The following MIDEAS variants were observed in gnomAD, a reference collection of about 807,000 sequenced individuals.
MIDEAS encodes mitotic deacetylase-associated SANT domain protein.
MIDEAS carries 26 observed loss-of-function variants against 102.7 expected under a neutral mutation model. The observed-to-expected ratio is 0.25, with a 90% CI of 0.19 to 0.35. The LOEUF is 0.35. Among genes scored for constraint, MIDEAS ranks in the 10% least tolerant of loss-of-function variants. The pLI is 1.00. For synonymous variants in MIDEAS, 585 were observed against 591.0 expected, an observed-to-expected ratio of 0.99 and a Z score of 0.15; for missense variants, 1,231 against 1,435.6, an observed-to-expected ratio of 0.86 and a Z score of 2.30.
At chr14:73,722,487 CTGTGTATCAACACAA>C in intron 10 of MIDEAS, 196 bp downstream of exon 10, 1 of 423,086 alleles carries the variant, frequency 2.4e-6, no homozygotes, top group Non-Finnish European at 4.2e-6. Context: ...GAAAATTACC[CTGTGTATCAACACAA>C]TGTATTATTA....
intron 1 of MIDEAS, among the ~76,000 whole-genome samples, chr14:73,781,499 C>T (rs1308033756): frequency 6.6e-6 from 1 of 150,502 alleles, no homozygotes; most frequent in Non-Finnish European, 1.5e-5. Context: ...CTTTGGGAGG[C>T]GGAGGAGGGC....
At chr14:73,719,068 G>C (rs1011334022) in intron 12 of MIDEAS, 60 bp from the exon 13 acceptor site, 6 of 1,446,696 alleles carry the variant, frequency 4.1e-6, no homozygotes, top group Non-Finnish European at 4.5e-6. Flanking sequence ...CCCCAGCGCG[G>C]GTGCGCGAGG....
intron 1 of MIDEAS, among the ~76,000 whole-genome samples, chr14:73,741,390 G>A (rs948334069): frequency 6.6e-6 from 1 of 151,966 alleles, no homozygotes; most frequent in South Asian, 2.1e-4. Context: ...GTTGGTGGGG[G>A]TGGGAGCTAC....
chr14:73,746,434 G>A (rs960666957), intron 1 of MIDEAS, among the ~76,000 whole-genome samples: 1 of 152,198 alleles, frequency 6.6e-6, no homozygotes, highest in Admixed American at 6.5e-5. Flanking sequence ...AGGACCCAGG[G>A]ATCCCAGCAG....
chr14:73,787,921 A>T (rs1305898238), upstream of MIDEAS, among the ~76,000 whole-genome samples: 1 of 152,190 alleles, frequency 6.6e-6, no homozygotes, highest in Non-Finnish European at 1.5e-5. Flanking sequence ...TCTGTGTTTC[A>T]TCACCGGTCA....
chr14:73,753,536 G>A (rs960741705), intron 1 of MIDEAS, among the ~76,000 whole-genome samples: 60 of 152,316 alleles, frequency 3.9e-4, no homozygotes, highest in African/African-American at 1.4e-3. Flanking sequence ...TAGATGAAGC[G>A]CCGCCTGGCA....
intron 1 of MIDEAS, among the ~76,000 whole-genome samples, chr14:73,746,497 A>G (rs2053353069): frequency 6.6e-6 from 1 of 152,164 alleles, no homozygotes; most frequent in Admixed American, 6.5e-5. Flanking sequence ...GACTCAGCAG[A>G]TGTTCCTGAG....
chr14:73,772,932 C>G (rs35726450), intron 1 of MIDEAS, among the ~76,000 whole-genome samples: 2 of 151,690 alleles, frequency 1.3e-5, no homozygotes, highest in African/African-American at 2.4e-5. Flanking sequence ...CTCCACCCCC[C>G]AGTTCAAGTG....
chr14:73,716,810 T>C lies in MIDEAS; in HGVS notation c.*2033A>G, dbSNP rs1339252595. On this transcript the variant is annotated 3_prime_UTR_variant, in exon 13 of 13. Transcript: ENST00000423556. ...GCCCATAAAGGGGCCTGAAACCAAA[T>C]ATGATTTGAATAGAAAAGACCTTGG... 1 of 151,140 alleles carries C rather than the reference T, an allele frequency of 6.6e-6. No homozygotes were observed. The highest frequency in any genetic ancestry group is 1.5e-5 in the Non-Finnish European group (1 of 67,906). 9.4% of individuals were successfully genotyped at this position (151,140 alleles called of 1,614,324 possible).
chr14:73,748,792 A>G (rs2053385704), intron 1 of MIDEAS, among the ~76,000 whole-genome samples: 1 of 151,968 alleles, frequency 6.6e-6, no homozygotes, highest in South Asian at 2.1e-4. Flanking sequence ...AAAAAATCAG[A>G]CAAAATAGAC....
At chr14:73,778,492 G>A (rs1345226260) in intron 1 of MIDEAS, among the ~76,000 whole-genome samples, 2 of 151,952 alleles carry the variant, frequency 1.3e-5, no homozygotes, top group African/African-American at 4.8e-5. Flanking sequence ...AGAGATGGTA[G>A]AAGAAATCTT....
intron 1 of MIDEAS, among the ~76,000 whole-genome samples, chr14:73,752,919 T>C (rs1279884070): frequency 6.6e-6 from 1 of 152,228 alleles, no homozygotes; most frequent in African/African-American, 2.4e-5. Flanking sequence ...CTCTGGGACC[T>C]GGGCCAAGCC....
At position 73,725,925 on chromosome 14, in the gene MIDEAS, C is replaced by T; in HGVS notation, c.2485+108G>A. 1 of 980,740 alleles carries T rather than the reference C, an allele frequency of 1.0e-6. No individual in the cohort carries two copies. The highest frequency in any genetic ancestry group is 1.4e-5 in the South Asian group (1 of 70,968). 60.8% of individuals were successfully genotyped at this position (980,740 alleles called of 1,614,324 possible). On this transcript the variant is annotated intron_variant, in intron 8 of 12. Transcript: ENST00000423556. This position sits in a 1 kb window ranked among gnomAD's most constrained non-coding sequence, Gnocchi z 4.1. The stretch of plus-strand genomic sequence containing the variant: ...CTCTGACTCTTGGCTTATCTACCCT[C>T]CTCCTCCCGCCCCCACCCAGGGCTG...
At position 73,718,210 on chromosome 14, in the gene MIDEAS, G is replaced by A. The variant is rs965196863; in HGVS notation, c.*633C>T. The stretch of plus-strand genomic sequence containing the variant: ...AGGCCGCCAGCAAGCAGCAAAGGGA[G>A]AGTACCTGCCGCGGCCTCCCTCCCA... On this transcript the variant is annotated 3_prime_UTR_variant, in exon 13 of 13. Coordinates refer to ENST00000423556, the MANE Select transcript of MIDEAS (RefSeq NM_001367710.1). 1.3e-5 allele frequency: 2 copies of A among 152,494 alleles called. No homozygotes were observed. Among genetic ancestry groups the A allele is most frequent in the African/African-American group, 2.4e-5 (1 of 41,440 alleles). 9.4% of individuals were successfully genotyped at this position (152,494 alleles called of 1,614,324 possible). A position where few individuals can be genotyped will look rare whatever the true frequency, so the allele number is the denominator to read the frequency against.
intron 1 of MIDEAS, among the ~76,000 whole-genome samples, chr14:73,781,978 A>G (rs1385531054): frequency 6.6e-6 from 1 of 151,964 alleles, no homozygotes; most frequent in Non-Finnish European, 1.5e-5. Context: ...AATCGCTTGA[A>G]CCTGGGGTGC....
At chr14:73,754,092 G>A (rs773134792) in intron 1 of MIDEAS, among the ~76,000 whole-genome samples, 7 of 152,218 alleles carry the variant, frequency 4.6e-5, no homozygotes, top group Non-Finnish European at 1.5e-5. Context: ...CACAGTAAAT[G>A]TCCCACAAGT....
chr14:73,725,377 C>T lies in MIDEAS; in HGVS notation c.2486-17G>A. The T allele has an allele frequency of 6.2e-7, 1 of 1,611,804 alleles. No homozygotes were observed. The highest frequency in any genetic ancestry group is 1.1e-5 in the South Asian group (1 of 91,020). On this transcript the variant is annotated splice_polypyrimidine_tract_variant and intron_variant, in intron 8 of 12. Transcript: ENST00000423556. The surrounding 1 kb of genome is among the most constrained non-coding windows in gnomAD (Gnocchi z 4.1). ...GGTCAGAGCCTATGGGGCAAAGAGG[C>T]AGCCAGGGAGTGAGGTGGGCAGGGC...
chr14:73,740,337 C>T, intron 1 of MIDEAS, 82 bp from the exon 2 acceptor site: 1 of 399,384 alleles, frequency 2.5e-6, no homozygotes, highest in Non-Finnish European at 4.4e-6. Flanking sequence ...AGAAAAGGGG[C>T]TCCAAGGGCC....
In MIDEAS at chr14:73,757,279, C is replaced by CAAAAAAAAAAA. The variant is rs370387448; in HGVS notation, c.-248+2473_-248+2483dup. ...AGAGAAAGACCCTATCTCTAACAAC[C>CAAAAAAAAAAA]AAAAAAAAAAAAAAACACTAAACAC... On this transcript the variant is annotated intron_variant, in intron 1 of 12. Transcript: ENST00000423556. 4.0e-3 allele frequency among the ~76,000 whole-genome samples: 269 copies of CAAAAAAAAAAA among 67,534 alleles called. 16 individuals carry two copies. Among genetic ancestry groups the CAAAAAAAAAAA allele is most frequent in the African/African-American group, 7.5e-3 (90 of 12,050 alleles). 44.3% of individuals were successfully genotyped at this position (67,534 alleles called of 152,430 possible).
Sources: allele counts gnomAD v4.1 joint callset (sites outside exome capture counted in the v4.1 genomes callset), GRCh38; gene constraint gnomAD v4.1.1; non-coding constraint Gnocchi (gnomAD v3.1); transcripts MANE v1.5; gene names NCBI Gene and HGNC (gene_info 2026-07-23, HGNC 2026-07-21).